The following ATP10B variants were observed in gnomAD, a reference collection of about 807,000 sequenced individuals.
The protein encoded by ATP10B is phospholipid-transporting ATPase VB.
Under a neutral mutation model 141.2 loss-of-function variants are expected in ATP10B, and 122 were observed. The observed-to-expected ratio is 0.86, with a 90% CI of 0.75 to 1.00. ATP10B has a LOEUF of 1.00. Ranked by LOEUF, ATP10B falls within the 50% of genes least tolerant of loss-of-function variation. The probability of loss-of-function intolerance (pLI) is 0.00; values close to 1 mark genes in which losing one functional copy is unlikely to be tolerated. For synonymous variants in ATP10B, 685 were observed against 692.0 expected (o/e 0.99, Z 0.16); for missense variants, 1,876 against 1,825.3 (o/e 1.03, Z -0.51).
chr5:160,658,302 G>A (rs200854198), intron 7 of ATP10B, among the ~76,000 whole-genome samples: 1 of 152,176 alleles, frequency 6.6e-6, no homozygotes, highest in Non-Finnish European at 1.5e-5. Context: ...GTGGGACACC[G>A]GTCAGAGTGT....
chr5:160,766,216 GA>G (rs1769396057), intron 2 of ATP10B, among the ~76,000 whole-genome samples: 2 of 151,958 alleles, frequency 1.3e-5, no homozygotes, highest in Middle Eastern at 3.4e-3. Flanking sequence ...GTGCCCAGAG[GA>G]AAAGAAAAGT....
the ATP10B span, among the ~76,000 whole-genome samples, chr5:160,869,268 T>A: frequency 6.6e-6 from 1 of 152,180 alleles, no homozygotes; most frequent in Non-Finnish European, 1.5e-5. Context: ...GTACCATAAC[T>A]AATTGCTTTC....
intron 13 of ATP10B, 56 bp from the exon 14 acceptor site, chr5:160,622,641 A>G (rs1181399075): frequency 6.7e-7 from 1 of 1,487,990 alleles, no homozygotes; most frequent in East Asian, 2.3e-5. Context: ...CCACTCCAGA[A>G]GAATCTTCAC....
intron 1 of ATP10B, among the ~76,000 whole-genome samples, chr5:160,803,006 C>G (rs1349472513): frequency 6.6e-6 from 1 of 152,176 alleles, no homozygotes; most frequent in African/African-American, 2.4e-5. Flanking sequence ...GCTGAACTCA[C>G]TCTCCTGCAC....
chr5:160,689,000 C>CT, intron 3 of ATP10B, 57 bp from the exon 4 acceptor site: 1 of 915,608 alleles, frequency 1.1e-6, no homozygotes, highest in African/African-American at 1.8e-5. Flanking sequence ...AGAAATGCTG[C>CT]TTTACAGCAC....
intron 10 of ATP10B, among the ~76,000 whole-genome samples, chr5:160,637,033 CATCCATGA>C (rs1479349128): frequency 4.3e-5 from 5 of 117,116 alleles, no homozygotes; most frequent in East Asian, 2.9e-4. Flanking sequence ...TCCATCCATC[CATCCATGA>C]ATCCATCCAT....
At chr5:160,642,414 G>A (rs182322751) in intron 9 of ATP10B, among the ~76,000 whole-genome samples, 77 of 152,226 alleles carry the variant, frequency 5.1e-4, no homozygotes, top group African/African-American at 1.8e-3. Context: ...TGTTTTACCC[G>A]TTGATAATGT....
chr5:160,741,130 G>A (rs967134964), intron 2 of ATP10B, among the ~76,000 whole-genome samples: 3 of 152,182 alleles, frequency 2.0e-5, no homozygotes. Flanking sequence ...AGCTCTCCTG[G>A]AAGCAGTCAT....
intron 2 of ATP10B, among the ~76,000 whole-genome samples, chr5:160,734,816 A>G (rs1221086272): frequency 6.6e-6 from 1 of 152,036 alleles, no homozygotes; most frequent in Non-Finnish European, 1.5e-5. Context: ...CACTTCAGTT[A>G]AAAAGCAGAA....
At chr5:160,715,268 T>C (rs572912427) in intron 3 of ATP10B, among the ~76,000 whole-genome samples, 65 of 127,034 alleles carry the variant, frequency 5.1e-4, no homozygotes, top group Admixed American at 8.5e-4. Context: ...ATCAGCGAGA[T>C]TCCGTGGGCG....
chr5:160,887,626 G>A, the ATP10B span, among the ~76,000 whole-genome samples: 1 of 152,068 alleles, frequency 6.6e-6, no homozygotes, highest in Non-Finnish European at 1.5e-5. Flanking sequence ...CCTCAACCTT[G>A]CTGTGTCTCC....
At chr5:160,704,916 T>TTTTTTTTTTTTTTTTTTTTTTTTTTTC (rs1561772659) in intron 3 of ATP10B, among the ~76,000 whole-genome samples, 7 of 123,098 alleles carry the variant, frequency 5.7e-5, no homozygotes, top group Non-Finnish European at 9.8e-5. Context: ...TCTTTCATCT[T>TTTTTTTTTTTTTTTTTTTTTTTTTTTC]TTTTTTTTTT....
chr5:160,821,460 G>A (rs1423839070), intron 1 of ATP10B, among the ~76,000 whole-genome samples: 3 of 152,120 alleles, frequency 2.0e-5, no homozygotes, highest in Middle Eastern at 6.8e-3. Flanking sequence ...TACACATTCA[G>A]TGGAACCCCT....
chr5:160,583,877 C>A (rs537803806), intron 24 of ATP10B, among the ~76,000 whole-genome samples: 9 of 152,276 alleles, frequency 5.9e-5, no homozygotes, highest in Admixed American at 4.6e-4. Flanking sequence ...ACACCCCTCT[C>A]CCAACCAAGC....
At chr5:160,596,875 T>A (rs945450799) in intron 22 of ATP10B, among the ~76,000 whole-genome samples, 4 of 152,160 alleles carry the variant, frequency 2.6e-5, no homozygotes, top group African/African-American at 9.7e-5. Flanking sequence ...TACAAACCAC[T>A]GCTCAATGAA....
At chr5:160,566,170 G>A (rs1028144111) in intron 25 of ATP10B, among the ~76,000 whole-genome samples, 1 of 152,134 alleles carries the variant, frequency 6.6e-6, no homozygotes, top group Non-Finnish European at 1.5e-5. Flanking sequence ...AATCTCATGT[G>A]GTTATTACTT....
chr5:160,632,092 G>C (rs757243925), intron 13 of ATP10B, 37 bp downstream of exon 13: 33 of 1,568,168 alleles, frequency 2.1e-5, no homozygotes, highest in Admixed American at 3.6e-5. Flanking sequence ...TCTTCCCACA[G>C]AACACTTACA....
intron 2 of ATP10B, among the ~76,000 whole-genome samples, chr5:160,742,653 C>T (rs544141077): frequency 6.6e-6 from 1 of 152,320 alleles, no homozygotes; most frequent in South Asian, 2.1e-4. Flanking sequence ...CAGATGAGGG[C>T]AGTGTCTACT....
chr5:160,596,507 A>C (rs1385454351), intron 22 of ATP10B, among the ~76,000 whole-genome samples: 2 of 135,412 alleles, frequency 1.5e-5, no homozygotes, highest in African/African-American at 5.6e-5. Context: ...CTCTCTCACC[A>C]CTCCTATTCA....
Sources: allele counts gnomAD v4.1 joint callset (sites outside exome capture counted in the v4.1 genomes callset), GRCh38; gene constraint gnomAD v4.1.1; transcripts MANE v1.5; gene names NCBI Gene and HGNC (gene_info 2026-07-23, HGNC 2026-07-21).